Variants in ITGA1 observed in about 807,000 individuals in gnomAD.
ITGA1 encodes integrin subunit alpha 1, also known as integrin alpha-1.
A neutral mutation model predicts 145.9 loss-of-function variants in ITGA1; 85 were observed. That is an observed-to-expected ratio of 0.58 (90% CI 0.49 to 0.70). The LOEUF is 0.70. ITGA1 is among the 30% of genes least tolerant of loss of function. The pLI is 0.00. For synonymous variants in ITGA1, 520 were observed against 495.3 expected (o/e 1.05, Z -0.66); for missense variants, 1,351 against 1,418.7 (o/e 0.95, Z 0.77).
intron 14 of ITGA1, among the ~76,000 whole-genome samples, chr5:52,912,226 C>G (rs1294504639): frequency 7.1e-6 from 1 of 140,866 alleles, no homozygotes; most frequent in African/African-American, 2.6e-5. Flanking sequence ...GATATATATA[C>G]TGTATCTAGT....
intron 20 of ITGA1, 85 bp downstream of exon 20, chr5:52,927,749 T>C: frequency 2.3e-6 from 2 of 860,128 alleles, no homozygotes; most frequent in Non-Finnish European, 3.8e-6. Flanking sequence ...CTTCCAATGG[T>C]AGTTTAGGAT....
chr5:52,798,017 T>C (rs1234321263), intron 1 of ITGA1, among the ~76,000 whole-genome samples: 2 of 152,212 alleles, frequency 1.3e-5, no homozygotes, highest in Non-Finnish European at 2.9e-5. Flanking sequence ...TTCAAAATTA[T>C]CTCCTCATTC....
At chr5:52,916,187 A>T (rs1158642176) in intron 15 of ITGA1, among the ~76,000 whole-genome samples, 1 of 152,196 alleles carries the variant, frequency 6.6e-6, no homozygotes, top group East Asian at 1.9e-4. Context: ...TAAATATCCT[A>T]TCTCAAAAAC....
chr5:52,945,138 G>T, intron 27 of ITGA1, 103 bp downstream of exon 27: 1 of 800,554 alleles, frequency 1.2e-6, no homozygotes, highest in Non-Finnish European at 2.1e-6. Context: ...GACTGGTATT[G>T]CTCTCGGTAA....
chr5:52,931,547 C>T (rs1387196726), intron 21 of ITGA1: 5 of 152,154 alleles, frequency 3.3e-5, no homozygotes, highest in African/African-American at 1.2e-4. Flanking sequence ...TCATCAAGTA[C>T]TTAGTATGGA....
chr5:52,871,637 G>GGGAA (rs57115294), intron 6 of ITGA1, among the ~76,000 whole-genome samples: 133,045 of 151,072 alleles, frequency 0.88, 58,728 homozygotes, highest in African/African-American at 0.94. Flanking sequence ...AAAGGAAAGG[G>GGGAA]GGAAGGAAGG....
intron 14 of ITGA1, among the ~76,000 whole-genome samples, chr5:52,911,457 T>C (rs1184752894): frequency 8.3e-5 from 11 of 132,692 alleles, no homozygotes; most frequent in Non-Finnish European, 9.4e-5. Context: ...ACACTATATA[T>C]AGTGTATCTA....
chr5:52,920,897 C>T (rs919184889), intron 17 of ITGA1, among the ~76,000 whole-genome samples: 2 of 152,034 alleles, frequency 1.3e-5, no homozygotes, highest in Non-Finnish European at 2.9e-5. Flanking sequence ...TTCTGGGATC[C>T]ATGTAACTAC....
intron 7 of ITGA1, among the ~76,000 whole-genome samples, chr5:52,886,934 G>C (rs563161901): frequency 5.3e-5 from 8 of 152,000 alleles, no homozygotes; most frequent in Admixed American, 5.2e-4. Context: ...GCCCGCCACC[G>C]CACCCGGCTA....
In ITGA1 at chr5:52,956,196, G is replaced by GCCCCAC. The variant is rs1751302836; in HGVS notation, c.*3745_*3746insCCCCAC. On this transcript the variant is annotated 3_prime_UTR_variant, in exon 29 of 29. Transcript: ENST00000282588. ...GGTGGCCCCACTGGCTCCATGGAGT[G>GCCCCAC]TGCCTTCACGCGGGGGAATGTCCTT... is the stretch of plus-strand genomic sequence containing the variant. The GCCCCAC allele has an allele frequency of 6.6e-6, 1 of 152,206 alleles. No homozygotes were observed. The highest frequency in any genetic ancestry group is 1.5e-5 in the Non-Finnish European group (1 of 68,068). The allele number at this position is 152,206 out of a possible 1,614,324, so 9.4% of individuals were successfully genotyped here.
Position 52,932,189 on chromosome 5 carries a change from C to T in ITGA1, c.2861+53C>T, listed in dbSNP as rs1021168153. The T allele has an allele frequency of 4.3e-5, 50 of 1,157,040 alleles. No individual in the cohort carries two copies. In the African/African-American group the frequency reaches 7.3e-4, roughly 17 times the overall value. 71.7% of individuals were successfully genotyped at this position (1,157,040 alleles called of 1,614,324 possible). On this transcript the variant is annotated intron_variant, in intron 22 of 28. Transcript: ENST00000282588. ...ATGCCTTTCTATTAACCCAGTGGTT[C>T]TGAAAGTGTGGTCCCTGCCTGGCCA...
chr5:52,884,757 C>A (rs1392918263), intron 7 of ITGA1, among the ~76,000 whole-genome samples: 4 of 152,162 alleles, frequency 2.6e-5, no homozygotes, highest in Admixed American at 2.6e-4. Context: ...TTTCTATATT[C>A]TAAACACTTG....
rs112342822 is a variant in ITGA1 at position 52,915,718 on chromosome 5, T to C, written c.1988+124T>C. The C allele has an allele frequency of 5.8e-4, 701 of 1,201,464 alleles. 4 individuals carry two copies. The highest frequency in any genetic ancestry group is 2.8e-3 in the Middle Eastern group (11 of 3,996). 74.4% of individuals were successfully genotyped at this position (1,201,464 alleles called of 1,614,324 possible). A position where few individuals can be genotyped will look rare whatever the true frequency, so the allele number is the denominator to read the frequency against. ...TTGTGTTCCACTATGCAAATACAAG[T>C]TATTCAGTTGAGTGAGCTGGAAGAG... is the stretch of plus-strand genomic sequence containing the variant. On this transcript the variant is annotated intron_variant, in intron 15 of 28. Coordinates refer to ENST00000282588, the MANE Select transcript of ITGA1 (RefSeq NM_181501.2).
chr5:52,790,039 C>T (rs1368597933), intron 1 of ITGA1, among the ~76,000 whole-genome samples: 2 of 152,162 alleles, frequency 1.3e-5, no homozygotes, highest in Non-Finnish European at 2.9e-5. Flanking sequence ...GGACTGCTTT[C>T]CCATCAGTCA....
intron 5 of ITGA1, among the ~76,000 whole-genome samples, chr5:52,865,292 T>C (rs1749669702): frequency 2.0e-5 from 3 of 152,228 alleles, no homozygotes; most frequent in Non-Finnish European, 4.4e-5. Context: ...TACAAAGTCA[T>C]TTTTAAACAT....
chr5:52,908,155 G>A (rs955191738), intron 12 of ITGA1, among the ~76,000 whole-genome samples: 2 of 152,212 alleles, frequency 1.3e-5, no homozygotes, highest in Non-Finnish European at 2.9e-5. Context: ...GGTGGTCTAT[G>A]CCACAGGGGC....
At chr5:52,873,382 A>AC (rs1466693444) in intron 6 of ITGA1, among the ~76,000 whole-genome samples, 3 of 152,186 alleles carry the variant, frequency 2.0e-5, no homozygotes, top group African/African-American at 7.2e-5. Context: ...TTTTGAGCCT[A>AC]CGTCACTTTC....
chr5:52,842,753 T>C (rs1749275668), intron 1 of ITGA1, among the ~76,000 whole-genome samples: 1 of 150,932 alleles, frequency 6.6e-6, no homozygotes, highest in African/African-American at 2.4e-5. Context: ...TGGCACGATC[T>C]CGGCTTACTG....
intron 11 of ITGA1, chr5:52,903,749 T>G (rs893586959): frequency 6.6e-6 from 1 of 152,228 alleles, no homozygotes; most frequent in Non-Finnish European, 1.5e-5. Context: ...AAAAGAGTTA[T>G]TCCTTTTATA....
Sources: allele counts gnomAD v4.1 joint callset (sites outside exome capture counted in the v4.1 genomes callset), GRCh38; gene constraint gnomAD v4.1.1; transcripts MANE v1.5; gene names NCBI Gene and HGNC (gene_info 2026-07-23, HGNC 2026-07-21).